Variants in CD53 observed in about 807,000 individuals in gnomAD.
The protein encoded by CD53 is leukocyte surface antigen CD53.
CD53 carries 20 observed loss-of-function variants against 27.3 expected under a neutral mutation model. The observed-to-expected ratio is 0.73, with a 90% CI of 0.52 to 1.07. CD53 has a LOEUF of 1.07. Among genes scored for constraint, CD53 ranks in the 50% least tolerant of loss-of-function variants. CD53 has a pLI of 0.00. For synonymous variants in CD53, 106 were observed against 105.3 expected (o/e 1.01, Z -0.04); for missense variants, 216 against 264.0 (o/e 0.82, Z 1.26).
At chr1:110,880,583 T>C (rs1272172403) in intron 1 of CD53, among the ~76,000 whole-genome samples, 1 of 152,158 alleles carries the variant, frequency 6.6e-6, no homozygotes, top group Admixed American at 6.5e-5. Context: ...TTCCTTTCTG[T>C]TACTGATGGG....
chr1:110,887,154 C>T (rs1325717858), intron 1 of CD53, among the ~76,000 whole-genome samples: 3 of 152,032 alleles, frequency 2.0e-5, no homozygotes, highest in East Asian at 1.9e-4. Flanking sequence ...AGCTCCGTCT[C>T]CCGGGTTCAC....
At chr1:110,886,243 G>A (rs1417282543) in intron 1 of CD53, among the ~76,000 whole-genome samples, 1 of 151,740 alleles carries the variant, frequency 6.6e-6, no homozygotes, top group Non-Finnish European at 1.5e-5. Context: ...TTGTTCCTTA[G>A]TCCATAACAT....
In CD53 at chr1:110,891,443, TC is replaced by T. The variant is rs766182063; in HGVS notation, c.37del (p.Leu13CysfsTer23). 6.2e-7 allele frequency: 1 copy of T among 1,613,936 alleles called. No homozygotes were observed. Among genetic ancestry groups the T allele is most frequent in the East Asian group, 2.2e-5 (1 of 44,884 alleles). The part of the protein sequence containing the change: ...GMSSLKLLKY[V>X]LFFFNLLFWI... Reference sequence around the variant, plus strand: ...AGTAGCTTGAAACTGCTGAAGTATGTCCTGTTTTTCTTCAACTTGCTCTTTT... The same window carrying T: ...AGTAGCTTGAAACTGCTGAAGTATGTCTGTTTTTCTTCAACTTGCTCTTTT... On this transcript the variant is annotated frameshift_variant, in exon 2 of 8. Transcript: ENST00000271324. LOFTEE classifies it high-confidence loss of function.
intron 5 of CD53, 62 bp from the exon 6 acceptor site, chr1:110,896,591 T>A (rs1657073446): frequency 1.3e-6 from 2 of 1,499,290 alleles, no homozygotes; most frequent in Non-Finnish European, 1.9e-6. Flanking sequence ...TCCTCTAAGG[T>A]CCACAGCTTT....
chr1:110,896,740 T>G lies in CD53; in HGVS notation c.504+7T>G. 1 of 1,611,042 alleles carries G rather than the reference T, an allele frequency of 6.2e-7. No homozygotes were observed. The highest frequency in any genetic ancestry group is 8.5e-7 in the Non-Finnish European group (1 of 1,178,410). Reference sequence around the variant, plus strand: ...CTCAGATCGAAAAGTGGAGGTAATTTTGTCGGCAATGTTTCTGTTATTGAC... The same window carrying G: ...CTCAGATCGAAAAGTGGAGGTAATTGTGTCGGCAATGTTTCTGTTATTGAC... On this transcript the variant is annotated splice_region_variant and intron_variant, in intron 6 of 7. Transcript: ENST00000271324.
At chr1:110,876,628 C>T (rs1181020648) in intron 1 of CD53, among the ~76,000 whole-genome samples, 1 of 151,916 alleles carries the variant, frequency 6.6e-6, no homozygotes, top group Non-Finnish European at 1.5e-5. Context: ...ATATCAGGAG[C>T]AAATAAAGGC....
intron 3 of CD53, 129 bp downstream of exon 3, chr1:110,892,662 TC>T: frequency 1.3e-6 from 1 of 782,224 alleles, no homozygotes; most frequent in Non-Finnish European, 2.1e-6. Flanking sequence ...GTACCTCAGA[TC>T]AGCCAAGTCT....
chr1:110,871,413 T>C (rs890662863), upstream of CD53, among the ~76,000 whole-genome samples: 1 of 152,118 alleles, frequency 6.6e-6, no homozygotes, highest in Non-Finnish European at 1.5e-5. Flanking sequence ...ACCTGGTTTC[T>C]CATGAACGTG....
intron 1 of CD53, among the ~76,000 whole-genome samples, chr1:110,878,204 A>T (rs532287632): frequency 2.0e-5 from 3 of 152,190 alleles, no homozygotes; most frequent in Non-Finnish European, 2.9e-5. Flanking sequence ...ATTTTGTGGG[A>T]TTCAGTGAAC....
chr1:110,889,342 G>C (rs963166868), intron 1 of CD53, among the ~76,000 whole-genome samples: 2 of 151,766 alleles, frequency 1.3e-5, no homozygotes, highest in Non-Finnish European at 2.9e-5. Flanking sequence ...AGATCACCAG[G>C]TCAGGAGTTC....
At position 110,894,988 on chromosome 1, in the gene CD53, C is replaced by T. The variant is rs749555585; in HGVS notation, c.356C>T (p.Thr119Ile). ...KLNEYVAKGLTDSIHRYHSDN... is the reference protein window; with the variant it reads ...KLNEYVAKGLIDSIHRYHSDN... ...AATGAGTATGTGGCTAAGGGTCTGACCGACAGCATCCACCGTTACCACTCA... is the reference window on the plus strand; with the variant it reads ...AATGAGTATGTGGCTAAGGGTCTGATCGACAGCATCCACCGTTACCACTCA... The change falls in exon 5 of 8, where the codon ACC (threonine) becomes ATC (isoleucine). Residue 119 changes from threonine to isoleucine, a missense_variant. Physicochemically the swap from Thr to Ile is moderately conservative, Grantham distance 89. Transcript: ENST00000271324. The T allele has an allele frequency of 3.1e-6, 5 of 1,613,916 alleles. No individual in the cohort carries two copies. The highest frequency in any genetic ancestry group is 1.7e-5 in the Admixed American group (1 of 60,010).
intron 4 of CD53, 74 bp from the exon 5 acceptor site, chr1:110,894,886 A>C (rs536853571): frequency 8.9e-7 from 1 of 1,121,564 alleles, no homozygotes; most frequent in South Asian, 1.2e-5. Flanking sequence ...CCACTAACCT[A>C]TACTGGAAAT....
Position 110,899,332 on chromosome 1 carries a change from A to G in CD53, c.*137A>G, listed in dbSNP as rs1657205905. 1 of 611,110 alleles carries G rather than the reference A, an allele frequency of 1.6e-6. No homozygotes were observed. Among genetic ancestry groups the G allele is most frequent in the Admixed American group, 2.9e-5 (1 of 35,002 alleles). The allele number at this position is 611,110 out of a possible 1,614,324, so 37.9% of individuals were successfully genotyped here. ...CCTTTTTAGGTCCCTGTCTTATACA[A>G]CCAGAGAAGTGGGTGTTGGCCAGGC... is the stretch of plus-strand genomic sequence containing the variant. On this transcript the variant is annotated 3_prime_UTR_variant, in exon 8 of 8. Transcript: ENST00000271324.
chr1:110,880,172 A>G (rs1373817289), intron 1 of CD53: 1 of 152,100 alleles, frequency 6.6e-6, no homozygotes, highest in Non-Finnish European at 1.5e-5. Flanking sequence ...AGAGTCATAG[A>G]CTTTGACTGT....
intron 1 of CD53, among the ~76,000 whole-genome samples, chr1:110,877,775 G>T (rs1656182671): frequency 6.6e-6 from 1 of 152,174 alleles, no homozygotes; most frequent in South Asian, 2.1e-4. Context: ...GAGATGAATG[G>T]ACACGAATAC....
chr1:110,897,751 T>A, intron 6 of CD53, 58 bp from the exon 7 acceptor site: 1 of 1,032,754 alleles, frequency 9.7e-7, no homozygotes, highest in South Asian at 1.3e-5. Flanking sequence ...TCCAAATACT[T>A]CCTCTTGATA....
At chr1:110,890,454 C>A (rs974015988) in intron 1 of CD53, among the ~76,000 whole-genome samples, 1 of 152,090 alleles carries the variant, frequency 6.6e-6, no homozygotes, top group Non-Finnish European at 1.5e-5. Context: ...TTAGTCTCAG[C>A]TACCTGGGAG....
At chr1:110,890,437 C>T (rs1656806958) in intron 1 of CD53, among the ~76,000 whole-genome samples, 1 of 152,044 alleles carries the variant, frequency 6.6e-6, no homozygotes, top group African/African-American at 2.4e-5. Flanking sequence ...CATGATGGTG[C>T]ATGCCTTTAG....
At position 110,877,393 on chromosome 1, in the gene CD53, G is replaced by C. The variant is rs538139097; in HGVS notation, c.-18+4145G>C. ...GACAGGCCTCTAGCCGAGGGACCCC[G>C]TATGTAAAGTTCTGCATATTTCTAC... On this transcript the variant is annotated intron_variant, in intron 1 of 7. Transcript: ENST00000271324. Among the ~76,000 whole-genome samples, 5 of 152,282 alleles carry C rather than the reference G, an allele frequency of 3.3e-5. 1 individual carries two copies. The highest frequency in any genetic ancestry group is 2.1e-4 in the South Asian group (1 of 4,820).
Sources: gnomAD v4.1 joint callset for allele counts (sites outside exome capture counted in the v4.1 genomes callset) on GRCh38, gnomAD v4.1.1 for gene constraint, MANE v1.5 for transcripts, NCBI Gene and HGNC (gene_info 2026-07-23, HGNC 2026-07-21) for gene names.